PPP2R1B: variants seen among roughly 807,000 people sequenced by gnomAD.
PPP2R1B encodes the protein serine/threonine-protein phosphatase 2A 65 kDa regulatory subunit A beta isoform.
A neutral mutation model predicts 72.7 loss-of-function variants in PPP2R1B; 58 were observed. The observed-to-expected ratio is 0.80, with a 90% confidence interval of 0.65 to 0.99. The LOEUF (loss-of-function observed/expected upper bound fraction) is 0.99. Ranked by LOEUF, PPP2R1B falls within the 50% of genes least tolerant of loss-of-function variation. The pLI, the probability that PPP2R1B is intolerant of heterozygous loss-of-function variation, is 0.00. For synonymous variants in PPP2R1B, 256 were observed against 264.6 expected, an observed-to-expected ratio of 0.97 and a Z score of 0.32; for missense variants, 695 against 733.6, an observed-to-expected ratio of 0.95 and a Z score of 0.61.
At chr11:111,718,579 C>CA in the PPP2R1B span, among the ~76,000 whole-genome samples, 1 of 152,324 alleles carries the variant, frequency 6.6e-6, no homozygotes, top group East Asian at 1.9e-4. Context: ...CTGCAGCAAA[C>CA]AAAGATCTGA....
At chr11:111,751,085 T>C (rs906807631) in intron 10 of PPP2R1B, among the ~76,000 whole-genome samples, 2 of 152,186 alleles carry the variant, frequency 1.3e-5, no homozygotes, top group African/African-American at 4.8e-5. Context: ...GTGATTCGCC[T>C]GCCTCTGGCT....
downstream of PPP2R1B, chr11:111,723,429 C>A: frequency 1.3e-6 from 2 of 1,484,560 alleles, no homozygotes; most frequent in East Asian, 2.3e-5. Flanking sequence ...ACTGGTATTG[C>A]ATTTACATTA....
chr11:111,759,845 C>T lies in PPP2R1B; in HGVS notation c.646G>A (p.Glu216Lys). Residue 216 changes from glutamate (E) to lysine (K), a missense_variant, in exon 5 of 15, where the codon GAA (glutamate) becomes AAA (lysine). Glu to Lys is a moderately conservative substitution (Grantham distance 56). Transcript: ENST00000527614. The part of the protein sequence containing the change: ...KVLELDSVKS[E>K]IVPLFTSLAS... The stretch of plus-strand genomic sequence containing the variant: ...AGACTAGTGAACAGTGGAACAATTT[C>T]ACTTTTCACACTGTCTAATTCCAAA... 6.2e-7 allele frequency: 1 copy of T among 1,614,026 alleles called. No homozygotes were observed. Among genetic ancestry groups the T allele is most frequent in the South Asian group, 1.1e-5 (1 of 91,040 alleles).
chr11:111,721,035 C>T, the PPP2R1B span: 1 of 1,613,800 alleles, frequency 6.2e-7, no homozygotes, highest in Non-Finnish European at 8.5e-7. Context: ...CTCCTCAGCT[C>T]CAGGACCTTG....
At chr11:111,723,894 G>C, downstream of PPP2R1B, 1 of 1,608,732 alleles carries the variant, frequency 6.2e-7, no homozygotes, top group Non-Finnish European at 8.5e-7. Flanking sequence ...TATCAGACTT[G>C]TGAGCTGCCA....
At chr11:111,713,774 G>A in the PPP2R1B span, among the ~76,000 whole-genome samples, 23 of 152,158 alleles carry the variant, frequency 1.5e-4, no homozygotes, top group South Asian at 2.9e-3. Flanking sequence ...CAAGACCAGC[G>A]TGGCCAACAT....
At chr11:111,695,429 G>C in the PPP2R1B span, among the ~76,000 whole-genome samples, 16 of 152,040 alleles carry the variant, frequency 1.1e-4, no homozygotes, top group African/African-American at 3.6e-4. Flanking sequence ...TAAAAAAAAG[G>C]ACTTAGTTTA....
At chr11:111,742,179 C>A (rs762614172) in intron 13 of PPP2R1B, 35 bp from the exon 14 acceptor site, 2 of 1,506,392 alleles carry the variant, frequency 1.3e-6, no homozygotes, top group Admixed American at 1.7e-5. Context: ...GAAAGACAGT[C>A]TAATGGGCCA....
the PPP2R1B span, among the ~76,000 whole-genome samples, chr11:111,697,141 C>T: frequency 1.1e-4 from 16 of 152,322 alleles, no homozygotes; most frequent in East Asian, 3.1e-3. Flanking sequence ...TATTCCACTG[C>T]TGCAACTTAG....
At chr11:111,751,499 C>CT (rs1944905909) in intron 10 of PPP2R1B, among the ~76,000 whole-genome samples, 1 of 152,144 alleles carries the variant, frequency 6.6e-6, no homozygotes, top group South Asian at 2.1e-4. Flanking sequence ...TTTTTGAGCA[C>CT]TGATATGATG....
At chr11:111,732,556 TGGCG>T (rs1944227392) in intron 15 of PPP2R1B, among the ~76,000 whole-genome samples, 3 of 152,130 alleles carry the variant, frequency 2.0e-5, no homozygotes, top group African/African-American at 7.2e-5. Flanking sequence ...CCAGGTGTGG[TGGCG>T]GGCGCCTGTA....
chr11:111,765,482 G>GT, intron 1 of PPP2R1B, 98 bp from the exon 2 acceptor site: 2 of 951,920 alleles, frequency 2.1e-6, no homozygotes, highest in Non-Finnish European at 3.2e-6. Context: ...TGACACAGGG[G>GT]TAAGAATGAA....
chr11:111,729,142 A>AT (rs1264377150), intron 15 of PPP2R1B: 2 of 152,080 alleles, frequency 1.3e-5, no homozygotes, highest in Admixed American at 1.3e-4. Flanking sequence ...TTATTTTACC[A>AT]TTTTTGTCCT....
chr11:111,740,009 AAT>A lies in PPP2R1B; in HGVS notation c.*1585_*1586del, dbSNP rs1268208166. ...TAGTAAAACTTGGTTTTATGTAACA[AAT>A]ATACAAAGTCTTAGAGGAGTCTTTG... On this transcript the variant is annotated 3_prime_UTR_variant, in exon 15 of 15. Coordinates refer to ENST00000527614, the MANE Select transcript of PPP2R1B (RefSeq NM_002716.5). 7 of 982,508 alleles carry A rather than the reference AAT, an allele frequency of 7.1e-6. No homozygotes were observed. The East Asian group carries it at 6.8e-4, about 95-fold the overall frequency. 60.9% of individuals were successfully genotyped at this position (982,508 alleles called of 1,614,324 possible).
Position 111,765,333 on chromosome 11 carries a change from C to T in PPP2R1B, c.166G>A (p.Val56Ile). 2 of 1,613,718 alleles carry T rather than the reference C, an allele frequency of 1.2e-6. No homozygotes were observed. The highest frequency in any genetic ancestry group is 1.7e-6 in the Non-Finnish European group (2 of 1,179,648). ...KLSTIALALG[V>I]ERTRSELLPF... ...AACAATTCACTTCGGGTCCTTTCTA[C>T]TCCAAGTGCTAGGGCAATTGTTGAT... Residue 56 changes from valine to isoleucine, a missense_variant, in exon 2 of 15, where the codon GTA becomes ATA. Transcript: ENST00000527614.
chr11:111,702,510 A>T, the PPP2R1B span, among the ~76,000 whole-genome samples: 5,211 of 152,236 alleles, frequency 0.034, 105 homozygotes, highest in Middle Eastern at 0.068. Flanking sequence ...GATTGCTTAC[A>T]GTGAGCTGTG....
At position 111,753,543 on chromosome 11, in the gene PPP2R1B, G is replaced by A. The variant is rs782552027; in HGVS notation, c.1064C>T (p.Ser355Leu). The change falls in exon 9 of 15, where the codon TCG becomes TTG. Residue 355 changes from serine to leucine, a missense_variant. Ser to Leu is a moderately radical substitution (Grantham distance 145). Transcript: ENST00000527614. Reference protein sequence around the residue: ...LVSDTNQHVKSALASVIMGLS... With the variant: ...LVSDTNQHVKLALASVIMGLS... Reference sequence around the variant, plus strand: ...TCCCATAATTACAGAAGCTAGAGCCGATTTGACATGTTGATTGGTATCGGA... The same window carrying A: ...TCCCATAATTACAGAAGCTAGAGCCAATTTGACATGTTGATTGGTATCGGA... The A allele has an allele frequency of 1.2e-5, 20 of 1,612,270 alleles. No individual in the cohort carries two copies. The highest frequency in any genetic ancestry group is 8.4e-5 in the Admixed American group (5 of 59,802).
At chr11:111,707,227 T>G in the PPP2R1B span, among the ~76,000 whole-genome samples, 1 of 152,216 alleles carries the variant, frequency 6.6e-6, no homozygotes, top group South Asian at 2.1e-4. Flanking sequence ...CCAAGTCTCT[T>G]TATTCTTCTT....
chr11:111,722,629 C>T (rs367891877), downstream of PPP2R1B: 3 of 1,586,352 alleles, frequency 1.9e-6, no homozygotes, highest in Non-Finnish European at 2.6e-6. The surrounding 1 kb of genome is among the most constrained non-coding windows in gnomAD (Gnocchi z 4.4). Context: ...GGTGACAGCA[C>T]ATTGTCACGC....
Sources: allele counts gnomAD v4.1 joint callset (sites outside exome capture counted in the v4.1 genomes callset), GRCh38; gene constraint gnomAD v4.1.1; non-coding constraint Gnocchi (gnomAD v3.1); transcripts MANE v1.5; gene names NCBI Gene and HGNC (gene_info 2026-07-23, HGNC 2026-07-21).